MAGI1: variants seen among roughly 807,000 people sequenced by gnomAD.
MAGI1 encodes the protein membrane associated guanylate kinase, WW and PDZ domain containing 1, also known as membrane-associated guanylate kinase, WW and PDZ domain-containing protein 1.
In MAGI1, 58 loss-of-function variants were observed where a neutral mutation model predicts 139.9. The observed-to-expected ratio is 0.41, with a 90% CI of 0.34 to 0.52. The LOEUF (loss-of-function observed/expected upper bound fraction) is 0.52. Ranked by LOEUF, MAGI1 falls within the 20% of genes least tolerant of loss-of-function variation. The pLI is 0.12. For synonymous variants in MAGI1, 812 were observed against 737.9 expected, an observed-to-expected ratio of 1.10 and a Z score of -1.63; for missense variants, 1,874 against 1,901.6, an observed-to-expected ratio of 0.99 and a Z score of 0.27.
intron 1 of MAGI1, among the ~76,000 whole-genome samples, chr3:65,790,566 T>C (rs1289702425): frequency 6.6e-5 from 10 of 152,208 alleles, no homozygotes; most frequent in African/African-American, 2.4e-4. Context: ...AGACGGCCTA[T>C]TTTTCCTACA....
At chr3:65,574,450 A>C (rs2108086528) in intron 2 of MAGI1, among the ~76,000 whole-genome samples, 1 of 151,528 alleles carries the variant, frequency 6.6e-6, no homozygotes, top group South Asian at 2.1e-4. Context: ...GAAACTAAAA[A>C]AAAAAAAAAA....
At chr3:65,679,467 G>A (rs1234466841) in intron 1 of MAGI1, among the ~76,000 whole-genome samples, 6 of 152,088 alleles carry the variant, frequency 3.9e-5, no homozygotes, top group Non-Finnish European at 8.8e-5. Flanking sequence ...GGAGGCTGAG[G>A]CACAAGAATT....
intron 1 of MAGI1, among the ~76,000 whole-genome samples, chr3:65,715,792 A>C (rs1406371216): frequency 6.6e-6 from 1 of 152,258 alleles, no homozygotes; most frequent in Admixed American, 6.5e-5. Context: ...AAAACACTTC[A>C]TTTTATAACC....
At chr3:66,019,297 TGG>T (rs2067839100) in intron 1 of MAGI1, among the ~76,000 whole-genome samples, 1 of 152,212 alleles carries the variant, frequency 6.6e-6, no homozygotes, top group African/African-American at 2.4e-5. Context: ...AAATCTTTGT[TGG>T]CAGTGGGCTC....
intron 1 of MAGI1, chr3:65,687,952 A>C (rs932173830): frequency 1.4e-5 from 10 of 723,092 alleles, no homozygotes; most frequent in Non-Finnish European, 2.3e-5. Flanking sequence ...AATGGCTCTC[A>C]GTTCACAGTT....
chr3:65,677,465 T>C (rs2087268438), intron 1 of MAGI1, among the ~76,000 whole-genome samples: 4 of 152,104 alleles, frequency 2.6e-5, no homozygotes, highest in Admixed American at 2.6e-4. Context: ...TGGATCTCAG[T>C]GACCAAAGGG....
intron 1 of MAGI1, among the ~76,000 whole-genome samples, chr3:65,845,623 A>G (rs2058965817): frequency 6.6e-6 from 1 of 152,118 alleles, no homozygotes; most frequent in African/African-American, 2.4e-5. Flanking sequence ...ACATATTTCT[A>G]CCACATCACT....
intron 1 of MAGI1, among the ~76,000 whole-genome samples, chr3:65,715,374 T>C (rs2032106462): frequency 6.6e-6 from 1 of 152,234 alleles, no homozygotes; most frequent in African/African-American, 2.4e-5. Context: ...GTTTTGGTTT[T>C]AGTAATACAG....
intron 18 of MAGI1, among the ~76,000 whole-genome samples, chr3:65,373,268 C>A (rs147829782): frequency 2.6e-5 from 4 of 151,982 alleles, no homozygotes; most frequent in Non-Finnish European, 5.9e-5. Flanking sequence ...AAGGGAGGCC[C>A]GAGGAAAGGA....
intron 2 of MAGI1, among the ~76,000 whole-genome samples, chr3:65,593,987 T>C (rs895355715): frequency 2.6e-5 from 4 of 152,174 alleles, no homozygotes; most frequent in Non-Finnish European, 5.9e-5. Context: ...GCCCAAGACC[T>C]CCCCTTTACT....
At chr3:66,007,463 T>C (rs577990154) in intron 1 of MAGI1, among the ~76,000 whole-genome samples, 5 of 152,274 alleles carry the variant, frequency 3.3e-5, no homozygotes, top group African/African-American at 9.6e-5. Context: ...TCTAAACACT[T>C]GGACACAGCA....
At chr3:65,651,031 G>A (rs1308728510) in intron 1 of MAGI1, among the ~76,000 whole-genome samples, 1 of 152,092 alleles carries the variant, frequency 6.6e-6, no homozygotes, top group Non-Finnish European at 1.5e-5. Flanking sequence ...TTTCTTTAAG[G>A]TGAAGGGATT....
At chr3:65,694,441 T>TAA (rs34599584) in intron 1 of MAGI1, among the ~76,000 whole-genome samples, 1 of 151,708 alleles carries the variant, frequency 6.6e-6, no homozygotes, top group Non-Finnish European at 1.5e-5. Flanking sequence ...TAGTAAGTGC[T>TAA]AAAAAAAATA....
chr3:65,943,179 T>G (rs1038464339), intron 1 of MAGI1, among the ~76,000 whole-genome samples: 3 of 152,228 alleles, frequency 2.0e-5, no homozygotes, highest in Non-Finnish European at 4.4e-5. Context: ...TGGCTGTATT[T>G]TTGTTTTGTT....
At chr3:65,853,039 C>T (rs1435508163) in intron 1 of MAGI1, among the ~76,000 whole-genome samples, 15 of 150,728 alleles carry the variant, frequency 1.0e-4, no homozygotes, top group Non-Finnish European at 4.4e-5. Flanking sequence ...GTCCCAACTA[C>T]TCGGGAGGCT....
chr3:65,867,621 G>T (rs925431395), intron 1 of MAGI1, among the ~76,000 whole-genome samples: 8 of 152,274 alleles, frequency 5.3e-5, no homozygotes, highest in African/African-American at 1.9e-4. Context: ...TAAAGTCCCA[G>T]TTACTGTGGG....
chr3:65,444,797 G>T (rs1024223580), intron 7 of MAGI1, among the ~76,000 whole-genome samples: 2 of 152,098 alleles, frequency 1.3e-5, no homozygotes, highest in Non-Finnish European at 2.9e-5. Flanking sequence ...CAGTCAACTG[G>T]CATATCTGGA....
intron 1 of MAGI1, among the ~76,000 whole-genome samples, chr3:65,857,565 G>A (rs12496892): frequency 6.6e-6 from 1 of 152,056 alleles, no homozygotes; most frequent in Non-Finnish European, 1.5e-5. Flanking sequence ...TAATCGCTCA[G>A]GCTGCCTTGG....
chr3:65,638,735 T>C (rs977833325), intron 1 of MAGI1, among the ~76,000 whole-genome samples: 7 of 148,420 alleles, frequency 4.7e-5, no homozygotes, highest in African/African-American at 1.7e-4. Context: ...ACCACCCAAG[T>C]AGCTGGGACT....
Sources: gnomAD v4.1 joint callset for allele counts (sites outside exome capture counted in the v4.1 genomes callset) on GRCh38, gnomAD v4.1.1 for gene constraint, MANE v1.5 for transcripts, NCBI Gene and HGNC (gene_info 2026-07-23, HGNC 2026-07-21) for gene names.